Variants in NRXN1 observed in about 807,000 individuals in gnomAD.
NRXN1 encodes the protein neurexin 1, also known as neurexin-1.
In NRXN1, 39 loss-of-function variants were observed where a neutral mutation model predicts 150.9. The ratio of observed to expected loss-of-function variants is 0.26; its 90% CI spans 0.20 to 0.34. The LOEUF is 0.34. Among genes scored for constraint, NRXN1 ranks in the 10% least tolerant of loss-of-function variants. The pLI is 1.00. For missense variants in NRXN1, 1,815 were observed against 1,949.9 expected, an observed-to-expected ratio of 0.93 and a Z score of 1.30; for synonymous variants, 924 against 757.0, an observed-to-expected ratio of 1.22 and a Z score of -3.62.
chr2:50,202,486 A>C lies in NRXN1; in HGVS notation c.3546+34303T>G, dbSNP rs914431296. ...ATGCTACTACATTCCAGCCTGGGCA[A>C]CAGAGTGAGAATCCATCTCACAAAA... On this transcript the variant is annotated intron_variant, in intron 18 of 22. Transcript: ENST00000401669. Among the ~76,000 whole-genome samples, 10 of 152,122 alleles carry C rather than the reference A, an allele frequency of 6.6e-5. No individual in the cohort carries two copies. The East Asian group carries it at 1.5e-3, about 24-fold the overall frequency.
intron 22 of NRXN1, among the ~76,000 whole-genome samples, chr2:49,926,663 AT>A (rs1423449372): frequency 1.3e-5 from 2 of 152,214 alleles, no homozygotes; most frequent in African/African-American, 4.8e-5. Context: ...GTAAAAAAAA[AT>A]CTTTAAGATT....
intron 9 of NRXN1, among the ~76,000 whole-genome samples, chr2:50,542,061 C>T (rs1426111308): frequency 3.9e-5 from 6 of 152,098 alleles, no homozygotes; most frequent in African/African-American, 1.4e-4. Context: ...GCGGGTGGAT[C>T]ACCTGAGGTC....
At chr2:50,663,984 T>C (rs936819949) in intron 5 of NRXN1, among the ~76,000 whole-genome samples, 2 of 151,996 alleles carry the variant, frequency 1.3e-5, no homozygotes, top group Non-Finnish European at 2.9e-5. Context: ...GGAAAATTGT[T>C]ACTTAAATAT....
At chr2:51,011,156 G>T (rs926820427) in intron 2 of NRXN1, among the ~76,000 whole-genome samples, 1 of 151,832 alleles carries the variant, frequency 6.6e-6, no homozygotes, top group African/African-American at 2.4e-5. Flanking sequence ...TTATTATTGA[G>T]GTCAAGCTTC....
At chr2:50,631,169 T>C (rs931595753) in intron 5 of NRXN1, 1 of 424,042 alleles carries the variant, frequency 2.4e-6, no homozygotes, top group African/African-American at 2.2e-5. Context: ...ATTCTAAAAT[T>C]ACCAACTATT....
intron 2 of NRXN1, among the ~76,000 whole-genome samples, chr2:50,992,847 T>C (rs902799955): frequency 4.6e-5 from 7 of 151,970 alleles, no homozygotes; most frequent in African/African-American, 1.7e-4. Context: ...TGGTAGAGAC[T>C]GATGGGTCAA....
intron 18 of NRXN1, among the ~76,000 whole-genome samples, chr2:50,150,555 G>C (rs1329239284): frequency 6.6e-6 from 1 of 151,750 alleles, no homozygotes; most frequent in Non-Finnish European, 1.5e-5. Context: ...CTAATTTCCA[G>C]TGAGGTGTAT....
At chr2:50,778,682 T>C (rs1703969593) in intron 5 of NRXN1, among the ~76,000 whole-genome samples, 1 of 152,142 alleles carries the variant, frequency 6.6e-6, no homozygotes, top group Admixed American at 6.5e-5. Context: ...GAAAGAGGGA[T>C]ATGTTCAAAA....
At chr2:50,548,385 A>G (rs1173646761) in intron 9 of NRXN1, among the ~76,000 whole-genome samples, 1 of 152,188 alleles carries the variant, frequency 6.6e-6, no homozygotes, top group African/African-American at 2.4e-5. Flanking sequence ...TGCATTCACA[A>G]GAGAACACCA....
chr2:49,946,147 T>C (rs866454248), intron 21 of NRXN1, among the ~76,000 whole-genome samples: 7 of 152,180 alleles, frequency 4.6e-5, no homozygotes, highest in African/African-American at 1.7e-4. Context: ...GATGATGAGC[T>C]TTTTTTCATA....
intron 21 of NRXN1, among the ~76,000 whole-genome samples, chr2:49,977,654 G>C (rs1679220142): frequency 6.6e-6 from 1 of 152,188 alleles, no homozygotes; most frequent in Non-Finnish European, 1.5e-5. Flanking sequence ...AGGATGAAGA[G>C]ATGGGAGGAC....
chr2:50,423,081 T>A (rs899286462), intron 17 of NRXN1, among the ~76,000 whole-genome samples: 2 of 152,192 alleles, frequency 1.3e-5, no homozygotes, highest in East Asian at 3.9e-4. Context: ...ATTTTCCACA[T>A]TGAATCCTTG....
intron 5 of NRXN1, among the ~76,000 whole-genome samples, chr2:50,888,691 C>T (rs1680624748): frequency 6.6e-6 from 1 of 151,620 alleles, no homozygotes; most frequent in South Asian, 2.1e-4. Flanking sequence ...TATGTTTTGA[C>T]AATGATAATT....
At chr2:49,928,797 G>A (rs10495988) in intron 22 of NRXN1, among the ~76,000 whole-genome samples, 22,336 of 152,036 alleles carry the variant, frequency 0.15, 2,088 homozygotes, top group East Asian at 0.23. Context: ...CGACTCATGC[G>A]GTGGTTTTGT....
rs565555752 is a variant in NRXN1 at position 50,992,502 on chromosome 2, T to C, written c.772+35000A>G. Among the ~76,000 whole-genome samples the C allele has an allele frequency of 4.1e-5, 6 of 147,220 alleles. No individual in the cohort carries two copies. In the South Asian group the frequency reaches 1.1e-3, roughly 26 times the overall value. On this transcript the variant is annotated intron_variant, in intron 2 of 22. Coordinates refer to ENST00000401669, the MANE Select transcript of NRXN1 (RefSeq NM_001330078.2). ...ATCAGTGAATTTGAGGGCTCCAAAA[T>C]AGGTTTAGTGCTTATAAAAAGCACA...
At chr2:50,946,281 T>C (rs968882579) in intron 2 of NRXN1, among the ~76,000 whole-genome samples, 4 of 152,270 alleles carry the variant, frequency 2.6e-5, no homozygotes, top group African/African-American at 9.6e-5. Context: ...AAGAGATATT[T>C]GTCAAAAAGT....
At chr2:50,706,380 A>G (rs1423621387) in intron 5 of NRXN1, among the ~76,000 whole-genome samples, 1 of 152,182 alleles carries the variant, frequency 6.6e-6, no homozygotes, top group Non-Finnish European at 1.5e-5. Context: ...TATATTTTAT[A>G]CAACAGGTTA....
intron 17 of NRXN1, among the ~76,000 whole-genome samples, chr2:50,416,846 A>G (rs1469948933): frequency 6.6e-6 from 1 of 152,170 alleles, no homozygotes; most frequent in Admixed American, 6.5e-5. Context: ...ACGACCCTTG[A>G]GGATTACAAG....
At chr2:50,517,314 A>G (rs548508449) in intron 12 of NRXN1, among the ~76,000 whole-genome samples, 1 of 152,294 alleles carries the variant, frequency 6.6e-6, no homozygotes, top group African/African-American at 2.4e-5. Context: ...CAATGAGTTT[A>G]AAATCTCAGA....
Sources: gnomAD v4.1 joint callset for allele counts (sites outside exome capture counted in the v4.1 genomes callset) on GRCh38, gnomAD v4.1.1 for gene constraint, MANE v1.5 for transcripts, NCBI Gene and HGNC (gene_info 2026-07-23, HGNC 2026-07-21) for gene names.